The following DDX19B variants were observed in gnomAD, a reference collection of about 807,000 sequenced individuals.
DDX19B encodes ATP-dependent RNA helicase DDX19B.
A neutral mutation model predicts 58.1 loss-of-function variants in DDX19B; 27 were observed. The ratio of observed to expected loss-of-function variants is 0.46; its 90% CI spans 0.34 to 0.64. The LOEUF (loss-of-function observed/expected upper bound fraction) is 0.64. Ranked by LOEUF, DDX19B falls within the 30% of genes least tolerant of loss-of-function variation. The pLI is 0.01. For missense variants in DDX19B, 399 were observed against 596.5 expected (o/e 0.67, Z 3.45); for synonymous variants, 187 against 214.4 (o/e 0.87, Z 1.12).
upstream of DDX19B, chr16:70,289,863 G>T: frequency 2.5e-6 from 1 of 401,998 alleles, no homozygotes; most frequent in African/African-American, 2.1e-5. Context: ...AACGTGTTTG[G>T]TAGAGGTTAC....
chr16:70,296,607 C>A (rs1056557366), upstream of DDX19B, among the ~76,000 whole-genome samples: 2 of 152,038 alleles, frequency 1.3e-5, no homozygotes, highest in African/African-American at 4.8e-5. Flanking sequence ...TAACCTCTAG[C>A]CCTGTGAAAC....
chr16:70,315,719 A>G (rs183891648), intron 3 of DDX19B: 1 of 404,422 alleles, frequency 2.5e-6, no homozygotes, highest in East Asian at 4.1e-5. Flanking sequence ...GATAGGAGGA[A>G]TAGATAACTG....
chr16:70,330,068 T>C lies in DDX19B; in HGVS notation c.1023T>C (p.His341=), dbSNP rs778243761. Residue 341 remains histidine (H), a splice_region_variant and synonymous_variant, in exon 9 of 12, where the codon CAT becomes CAC. Transcript: ENST00000288071. The stretch of plus-strand genomic sequence containing the variant: ...TTGCTCAAGCCATGATCTTCTGCCA[T>C]GTGAGTAGCAGTGGCAGTGGCAGGC... ...ITIAQAMIFC[H]TRKTASWLAA... is the part of the protein sequence containing the mutation. The C allele has an allele frequency of 1.2e-5, 19 of 1,613,854 alleles. No homozygotes were observed. The East Asian group carries it at 4.0e-4, about 34-fold the overall frequency.
At chr16:70,326,874 G>A (rs1445650501) in intron 7 of DDX19B, among the ~76,000 whole-genome samples, 11 of 147,880 alleles carry the variant, frequency 7.4e-5, no homozygotes, top group Admixed American at 6.8e-5. Flanking sequence ...TCGCCCTGTC[G>A]CCCAGGCTGG....
intron 7 of DDX19B, among the ~76,000 whole-genome samples, chr16:70,327,470 T>G (rs1344611475): frequency 1.3e-5 from 2 of 151,626 alleles, no homozygotes; most frequent in African/African-American, 4.8e-5. Context: ...GAGGTGGAGG[T>G]TGCAGTGAGC....
In DDX19B at chr16:70,331,883, C is replaced by T. The variant is rs779741253; in HGVS notation, c.1185C>T (p.Arg395=). The change falls in exon 10 of 12, where the codon CGC becomes CGT. Residue 395 remains arginine (R), a splice_region_variant and synonymous_variant. Coordinates refer to ENST00000288071, the MANE Select transcript of DDX19B (RefSeq NM_007242.7). ...KVLVTTNVCA[R]GIDVEQVSVV... ...TGGTGACCACCAACGTGTGTGCCCGCGGTGAGCAGAGGACGTGTCCCACCT... is the reference window on the plus strand; with the variant it reads ...TGGTGACCACCAACGTGTGTGCCCGTGGTGAGCAGAGGACGTGTCCCACCT... 1.4e-5 allele frequency: 22 copies of T among 1,613,308 alleles called. No individual in the cohort carries two copies. In the East Asian group the frequency reaches 3.3e-4, roughly 25 times the overall value.
At chr16:70,317,205 C>G in intron 4 of DDX19B, 1 of 147,462 alleles carries the variant, frequency 6.8e-6, no homozygotes, top group Non-Finnish European at 1.3e-5. Flanking sequence ...GAGACTCTGT[C>G]TCAAAAAAAA....
In DDX19B at chr16:70,304,336, C is replaced by T. The variant is rs141541356; in HGVS notation, c.57+4982C>T. 4.1e-4 allele frequency among the ~76,000 whole-genome samples: 61 copies of T among 150,114 alleles called. No homozygotes were observed. In the East Asian group the frequency reaches 0.011, roughly 27 times the overall value. On this transcript the variant is annotated intron_variant, in intron 1 of 11. Transcript: ENST00000288071. ...TACAGGCGTGAGCCACCGTGCCTGGCCGAGGTTCATCTGTTCATCTTTTTC... is the reference window on the plus strand; with the variant it reads ...TACAGGCGTGAGCCACCGTGCCTGGTCGAGGTTCATCTGTTCATCTTTTTC...
At chr16:70,321,970 G>A (rs902085844) in intron 5 of DDX19B, among the ~76,000 whole-genome samples, 1 of 151,780 alleles carries the variant, frequency 6.6e-6, no homozygotes, top group Non-Finnish European at 1.5e-5. Context: ...GGGAGACGGA[G>A]GTTGCAGTGA....
Position 70,331,724 on chromosome 16 carries a change from T to C in DDX19B, c.1026T>C (p.Thr342=). The C allele has an allele frequency of 6.2e-7, 1 of 1,613,718 alleles. No individual in the cohort carries two copies. ...TIAQAMIFCH[T]RKTASWLAAE... Reference sequence around the variant, plus strand: ...AAAAACAATTCTTTTCACTACAGACTCGCAAAACAGCTAGTTGGCTGGCAG... The same window carrying C: ...AAAAACAATTCTTTTCACTACAGACCCGCAAAACAGCTAGTTGGCTGGCAG... Residue 342 remains threonine, a splice_region_variant and synonymous_variant, in exon 10 of 12, where the codon ACT becomes ACC. Coordinates refer to ENST00000288071, the MANE Select transcript of DDX19B (RefSeq NM_007242.7).
At position 70,299,938 on chromosome 16, in the gene DDX19B, C is replaced by A. The variant is rs377622444; in HGVS notation, c.57+584C>A. On this transcript the variant is annotated intron_variant, in intron 1 of 11. Transcript: ENST00000288071. ...CTTTCCTCATCGGCTTCACTTTGTT[C>A]TTTTTTTCTGGACCTGACACATGGT... is the stretch of plus-strand genomic sequence containing the variant. Among the ~76,000 whole-genome samples the A allele has an allele frequency of 1.5e-4, 23 of 152,146 alleles. No individual in the cohort carries two copies. The South Asian group carries it at 4.6e-3, about 30-fold the overall frequency.
At chr16:70,301,696 CTT>C (rs75159803) in intron 1 of DDX19B, among the ~76,000 whole-genome samples, 24 of 136,564 alleles carry the variant, frequency 1.8e-4, no homozygotes, top group South Asian at 2.3e-4. Flanking sequence ...CTCTCTCTCT[CTT>C]TTTTTTTTTT....
At chr16:70,316,208 C>T (rs1179068652) in intron 4 of DDX19B, 104 bp downstream of exon 4, 2 of 1,379,416 alleles carry the variant, frequency 1.4e-6, no homozygotes, top group East Asian at 2.4e-5. Flanking sequence ...TTTAGCTAAC[C>T]AAGTTTTTTT....
intron 7 of DDX19B, 65 bp downstream of exon 7, chr16:70,325,753 C>T (rs977856357): frequency 1.1e-4 from 136 of 1,188,028 alleles, no homozygotes; most frequent in Admixed American, 3.1e-4. Flanking sequence ...TATTTCAAAA[C>T]CCACCCAATA....
At chr16:70,318,964 C>T (rs1038072777) in intron 5 of DDX19B, among the ~76,000 whole-genome samples, 4 of 146,396 alleles carry the variant, frequency 2.7e-5, no homozygotes, top group African/African-American at 7.6e-5. Flanking sequence ...ATTAGCTGGG[C>T]GTGGTGGTGG....
upstream of DDX19B, chr16:70,290,041 G>C: frequency 3.6e-6 from 1 of 279,776 alleles, no homozygotes; most frequent in East Asian, 9.3e-5. Context: ...TCCTCGATTT[G>C]CCTTTGGAAA....
chr16:70,303,032 T>C (rs934928727), intron 1 of DDX19B, among the ~76,000 whole-genome samples: 22 of 152,250 alleles, frequency 1.4e-4, no homozygotes, highest in African/African-American at 5.3e-4. Context: ...TGTAACTTCT[T>C]TGAAGTGGCT....
At position 70,329,924 on chromosome 16, in the gene DDX19B, C is replaced by T. The variant is rs780308934; in HGVS notation, c.879C>T (p.Asn293=). ...CCCAGAAAGTGGTCCCAGACCCAAA[C>T]GTTATCAAACTGAAGCGTGAGGAAG... The part of the protein sequence containing the change: ...KFAQKVVPDP[N]VIKLKREEET... The change falls in exon 9 of 12, where the codon AAC becomes AAT. Residue 293 remains asparagine (N), a synonymous_variant. Coordinates refer to ENST00000288071, the MANE Select transcript of DDX19B (RefSeq NM_007242.7). The T allele has an allele frequency of 7.5e-5, 121 of 1,614,200 alleles. 1 individual carries two copies. Among genetic ancestry groups the T allele is most frequent in the Non-Finnish European group, 9.1e-5 (107 of 1,180,030 alleles).
At chr16:70,325,735 T>C (rs763522884) in intron 7 of DDX19B, 47 bp downstream of exon 7, 8 of 1,391,606 alleles carry the variant, frequency 5.7e-6, no homozygotes, top group Non-Finnish European at 8.1e-6. Context: ...ATTCTTTTTA[T>C]TTTGAAATAT....
Sources: gnomAD v4.1 joint callset for allele counts (sites outside exome capture counted in the v4.1 genomes callset) on GRCh38, gnomAD v4.1.1 for gene constraint, MANE v1.5 for transcripts, NCBI Gene and HGNC (gene_info 2026-07-23, HGNC 2026-07-21) for gene names.